SARS2: variants seen among roughly 807,000 people sequenced by gnomAD.
SARS2 encodes seryl-tRNA synthetase 2, mitochondrial, also known as serine--tRNA ligase, mitochondrial.
A neutral mutation model predicts 66.8 loss-of-function variants in SARS2; 52 were observed. The ratio of observed to expected loss-of-function variants is 0.78; its 90% CI spans 0.62 to 0.98. SARS2 has a LOEUF of 0.98. Ranked by LOEUF, SARS2 falls within the 50% of genes least tolerant of loss-of-function variation. The probability of loss-of-function intolerance (pLI) is 0.00; values close to 1 mark genes in which losing one functional copy is unlikely to be tolerated. For missense variants in SARS2, 673 were observed against 706.3 expected (o/e 0.95, Z 0.53); for synonymous variants, 306 against 281.4 (o/e 1.09, Z -0.87).
Position 38,915,290 on chromosome 19 carries a change from C to G in SARS2, c.*316G>C. ...CTTTGTCCTGACCATTTATTGGGGA[C>G]TTTTTGCTCAGCACTGTAGGAGGAA... On this transcript the variant is annotated 3_prime_UTR_variant, in exon 16 of 16. Transcript: ENST00000221431. 4.0e-6 allele frequency: 2 copies of G among 504,896 alleles called. No homozygotes were observed. Among genetic ancestry groups the G allele is most frequent in the Non-Finnish European group, 7.0e-6 (2 of 286,406 alleles). 31.3% of individuals were successfully genotyped at this position (504,896 alleles called of 1,614,324 possible).
chr19:38,925,542 A>G (rs1021516951), intron 2 of SARS2, among the ~76,000 whole-genome samples: 9 of 152,110 alleles, frequency 5.9e-5, no homozygotes, highest in Non-Finnish European at 1.2e-4. Context: ...ATGCTTCAGG[A>G]AAGGTGTACT....
chr19:38,925,204 T>C (rs1453521655), intron 2 of SARS2, among the ~76,000 whole-genome samples: 1 of 152,090 alleles, frequency 6.6e-6, no homozygotes, highest in Non-Finnish European at 1.5e-5. Flanking sequence ...TCCCAGCTAC[T>C]GGGGAGGCTG....
At chr19:38,918,383 T>A (rs758339707) in intron 9 of SARS2, 39 bp downstream of exon 9, 4 of 1,566,554 alleles carry the variant, frequency 2.6e-6, no homozygotes, top group Non-Finnish European at 3.5e-6. Context: ...TCCTTCCACA[T>A]CACTCCTGCT....
chr19:38,930,505 T>TG lies in SARS2; in HGVS notation c.231dup (p.Lys78GlnfsTer38). ...AGGTCCGCCGAGCGCAGCTCCCCCT[T>TG]GCGGAGCTCCAGGGCGTGTGCGGCC... On this transcript the variant is annotated frameshift_variant, in exon 1 of 16. Transcript: ENST00000221431. LOFTEE classifies it high-confidence loss of function. 1 of 1,610,086 alleles carries TG rather than the reference T, an allele frequency of 6.2e-7. No homozygotes were observed. Among genetic ancestry groups the TG allele is most frequent in the East Asian group, 2.2e-5 (1 of 44,794 alleles).
chr19:38,923,854 G>A (rs1467119556), intron 2 of SARS2, among the ~76,000 whole-genome samples: 1 of 151,992 alleles, frequency 6.6e-6, no homozygotes, highest in Admixed American at 6.6e-5. Context: ...GGCGCCTGTA[G>A]TCCCAGCTAC....
intron 8 of SARS2, 34 bp from the exon 9 acceptor site, chr19:38,918,564 G>T (rs779662704): frequency 1.3e-6 from 2 of 1,535,852 alleles, no homozygotes; most frequent in Non-Finnish European, 1.8e-6. Flanking sequence ...GGGATCAGGG[G>T]ACAGGTAACC....
chr19:38,924,165 CCT>C (rs1448629286), intron 2 of SARS2, among the ~76,000 whole-genome samples: 8 of 151,998 alleles, frequency 5.3e-5, no homozygotes, highest in Admixed American at 2.0e-4. Flanking sequence ...ACTAATATAC[CCT>C]GTCTGTAGAT....
rs1974685405 is a variant in SARS2, at chr19:38,929,266, TTGTGGAGTCTG to T, written c.267+1193_267+1203del. 6.0e-5 allele frequency among the ~76,000 whole-genome samples: 9 copies of T among 149,118 alleles called. No individual in the cohort carries two copies. In the Admixed American group the frequency reaches 6.1e-4, roughly 10 times the overall value. On this transcript the variant is annotated intron_variant, in intron 1 of 15. Coordinates refer to ENST00000221431, the MANE Select transcript of SARS2 (RefSeq NM_017827.4). ...AGAGGGCACAGCAGGGTACTTAAGA[TTGTGGAGTCTG>T]GGTGTGGTGGCTCATGCCTGTAATC...
intron 2 of SARS2, among the ~76,000 whole-genome samples, chr19:38,925,185 T>C (rs1027905769): frequency 2.0e-5 from 3 of 152,200 alleles, no homozygotes; most frequent in African/African-American, 7.2e-5. Flanking sequence ...TGGTGGCGCA[T>C]GTCTGTAATC....
At position 38,915,859 on chromosome 19, in the gene SARS2, C is replaced by T; in HGVS notation, c.1395G>A (p.Leu465=). The T allele has an allele frequency of 6.2e-7, 1 of 1,613,842 alleles. No homozygotes were observed. Among genetic ancestry groups the T allele is most frequent in the South Asian group, 1.1e-5 (1 of 91,080 alleles). Residue 465 remains leucine (L), a synonymous_variant, in exon 15 of 16, where the codon CTG becomes CTA. Coordinates refer to ENST00000221431, the MANE Select transcript of SARS2 (RefSeq NM_017827.4). ...CCCTCACCTTCTGCTGGTTACTCTC[C>T]AGGAGCGCGATGAGAAGGCGGGGGA... ...CAVPRLLIAL[L]ESNQQKDGSV...
At position 38,921,641 on chromosome 19, in the gene SARS2, T is replaced by G; in HGVS notation, c.420A>C (p.Ala140=). The G allele has an allele frequency of 4.3e-6, 7 of 1,614,208 alleles. No individual in the cohort carries two copies. Among genetic ancestry groups the G allele is most frequent in the Non-Finnish European group, 5.9e-6 (7 of 1,180,036 alleles). ...QQDPKYQGLR[A]RGREIRKELV... is the part of the protein sequence containing the mutation. ...GCTCCTTCCGGATCTCCCGGCCACG[T>G]GCCCGCAGACCCTGGTACTTGGGGT... is the stretch of plus-strand genomic sequence containing the variant. The change falls in exon 4 of 16, where the codon GCA becomes GCC. Residue 140 remains alanine (A), a synonymous_variant. Coordinates refer to ENST00000221431, the MANE Select transcript of SARS2 (RefSeq NM_017827.4).
rs1019373562 is a variant in SARS2 at position 38,926,409 on chromosome 19, C to T, written c.268-109G>A. ...CGGCGCAGTGAGGCAGAGATCCCTA[C>T]CTAGCCCTCAGTGGCCATCCTCCCC... On this transcript the variant is annotated intron_variant, in intron 1 of 15. Coordinates refer to ENST00000221431, the MANE Select transcript of SARS2 (RefSeq NM_017827.4). 9.1e-6 allele frequency: 9 copies of T among 990,244 alleles called. No homozygotes were observed. In the African/African-American group the frequency reaches 1.4e-4, roughly 16 times the overall value. 61.3% of individuals were successfully genotyped at this position (990,244 alleles called of 1,614,324 possible).
At chr19:38,919,706 C>T (rs1974482103) in intron 7 of SARS2, 56 bp downstream of exon 7, 17 of 1,411,752 alleles carry the variant, frequency 1.2e-5, no homozygotes, top group Non-Finnish European at 1.7e-5. Context: ...GTTGGGCCCT[C>T]TGAGCTCAGC....
Position 38,926,212 on chromosome 19 carries a change from G to C in SARS2, c.356C>G (p.Ala119Gly). 1 of 1,605,810 alleles carries C rather than the reference G, an allele frequency of 6.2e-7. No individual in the cohort carries two copies. Among genetic ancestry groups the C allele is most frequent in the South Asian group, 1.1e-5 (1 of 91,082 alleles). Residue 119 changes from alanine (A) to glycine (G), a missense_variant, in exon 2 of 16, where the codon GCC becomes GGC. Transcript: ENST00000221431. ...TCAGGGCACCATGCTCACCAGCAGG[G>C]CCCGCACTGCCTCAGTCACAGCTGC... ...EKAAVTEAVR[A>G]LLANQDSGEV...
chr19:38,916,252 G>T lies in SARS2; in HGVS notation c.1223C>A (p.Ala408Asp). ...AAAGCGGCCTCGGCCTGGCATCCAG[G>T]CCTCAATGTCAAACTTGCGGTAGGC... The part of the protein sequence containing the change: ...LPAYRKFDIE[A>D]WMPGRGRFGE... Residue 408 changes from alanine to aspartate, a missense_variant, in exon 13 of 16, where the codon GCC becomes GAC. Transcript: ENST00000221431. 1.9e-6 allele frequency: 3 copies of T among 1,614,084 alleles called. No individual in the cohort carries two copies. The highest frequency in any genetic ancestry group is 2.2e-5 in the South Asian group (2 of 91,088).
intron 1 of SARS2, among the ~76,000 whole-genome samples, chr19:38,927,894 G>A (rs2144782224): frequency 6.6e-6 from 1 of 151,878 alleles, no homozygotes; most frequent in East Asian, 2.0e-4. Flanking sequence ...TTAATTGGGG[G>A]TGGAGGCGTG....
Position 38,920,077 on chromosome 19 carries a change from G to A in SARS2, c.653+9C>T, listed in dbSNP as rs1346042789. On this transcript the variant is annotated intron_variant, in intron 6 of 15. Transcript: ENST00000221431. ...GAGAGGGGCGTGGGGAGCCAGGGGA[G>A]GGGCTCACTTCTGACGGATGATGTC... 6.4e-7 allele frequency: 1 copy of A among 1,558,246 alleles called. No individual in the cohort carries two copies. The highest frequency in any genetic ancestry group is 8.7e-7 in the Non-Finnish European group (1 of 1,150,336).
At chr19:38,915,946 G>A (rs774147474) in intron 14 of SARS2, 40 bp from the exon 15 acceptor site, 58 of 1,613,026 alleles carry the variant, frequency 3.6e-5, no homozygotes, top group Non-Finnish European at 4.7e-5. Context: ...CCCACCCCAA[G>A]CTGAGCCCGG....
rs7260466 is a variant in SARS2 at position 38,930,162 on chromosome 19, T to C, written c.267+308A>G. 0.16 allele frequency: 56,840 copies of C among 353,384 alleles called. 5,317 individuals carry two copies. Among genetic ancestry groups the C allele is most frequent in the East Asian group, 0.3 (5,865 of 19,438 alleles). The allele number at this position is 353,384 out of a possible 1,614,324, so 21.9% of individuals were successfully genotyped here. The stretch of plus-strand genomic sequence containing the variant: ...TTGTGGTCTTAGGGAAAGGCTGGCA[T>C]GAGGTTGCAGCACGGAGGGCAATGT... On this transcript the variant is annotated intron_variant, in intron 1 of 15. Transcript: ENST00000221431.
Sources: allele counts gnomAD v4.1 joint callset (sites outside exome capture counted in the v4.1 genomes callset), GRCh38; gene constraint gnomAD v4.1.1; transcripts MANE v1.5; gene names NCBI Gene and HGNC (gene_info 2026-07-23, HGNC 2026-07-21).